The following SGCD variants were observed in gnomAD, a reference collection of about 807,000 sequenced individuals.
SGCD encodes the protein sarcoglycan delta, also known as delta-sarcoglycan.
Under a neutral mutation model 36.6 loss-of-function variants are expected in SGCD, and 18 were observed. That is an observed-to-expected ratio of 0.49 (90% CI 0.34 to 0.73). SGCD has a LOEUF of 0.73. SGCD is among the 30% of genes least tolerant of loss of function. SGCD has a pLI of 0.01. For synonymous variants in SGCD, 133 were observed against 130.6 expected (o/e 1.02, Z -0.12); for missense variants, 387 against 346.7 (o/e 1.12, Z -0.92).
chr5:155,786,717 G>A, the SGCD span, among the ~76,000 whole-genome samples: 30 of 152,258 alleles, frequency 2.0e-4, no homozygotes, highest in South Asian at 6.2e-4. Flanking sequence ...GGTTATGTAT[G>A]TTTTAAGCTT....
At chr5:156,563,693 C>CT (rs879338785) in intron 4 of SGCD, among the ~76,000 whole-genome samples, 1 of 152,060 alleles carries the variant, frequency 6.6e-6, no homozygotes, top group Admixed American at 6.5e-5. Context: ...GCTGTTTCCC[C>CT]TTTGGGGGGA....
intron 1 of SGCD, among the ~76,000 whole-genome samples, chr5:155,963,600 C>G (rs1201094832): frequency 1.3e-5 from 2 of 151,962 alleles, no homozygotes; most frequent in African/African-American, 4.8e-5. Flanking sequence ...TCACAACCAC[C>G]CTATAAAGAA....
chr5:156,038,258 C>T (rs892601708), intron 1 of SGCD, among the ~76,000 whole-genome samples: 1 of 152,002 alleles, frequency 6.6e-6, no homozygotes, highest in Non-Finnish European at 1.5e-5. Context: ...AATACCTCAC[C>T]AGTACTTTTC....
At chr5:156,213,398 C>G (rs577742913) in intron 3 of SGCD, among the ~76,000 whole-genome samples, 1 of 151,936 alleles carries the variant, frequency 6.6e-6, no homozygotes, top group African/African-American at 2.4e-5. Flanking sequence ...AAACATACAA[C>G]CTACCATGAC....
At chr5:156,406,018 T>TAAAAAAAAAAAAAAAAAAAACAAAAAAA (rs10529406) in intron 3 of SGCD, among the ~76,000 whole-genome samples, 1 of 103,984 alleles carries the variant, frequency 9.6e-6, no homozygotes, top group African/African-American at 4.1e-5. Context: ...TATCTTTGCT[T>TAAAAAAAAAAAAAAAAAAAACAAAAAAA]AAAAAAAAAA....
intron 1 of SGCD, among the ~76,000 whole-genome samples, chr5:155,935,469 A>G (rs1321917685): frequency 6.6e-6 from 1 of 152,196 alleles, no homozygotes; most frequent in Non-Finnish European, 1.5e-5. Flanking sequence ...AGATAATATC[A>G]GCCAGCAATA....
intron 3 of SGCD, among the ~76,000 whole-genome samples, chr5:156,183,647 A>C (rs1459800621): frequency 5.9e-5 from 9 of 152,172 alleles, no homozygotes; most frequent in Admixed American, 5.9e-4. Flanking sequence ...GCCTCAAGTG[A>C]TCTGCCCACC....
chr5:156,320,336 A>G (rs1045309208), intron 3 of SGCD, among the ~76,000 whole-genome samples: 6 of 152,224 alleles, frequency 3.9e-5, no homozygotes, highest in African/African-American at 1.4e-4. Context: ...TATTTCTGCC[A>G]GTAACTATGG....
chr5:156,601,808 C>T (rs1009025843), intron 6 of SGCD, among the ~76,000 whole-genome samples: 6 of 152,106 alleles, frequency 3.9e-5, no homozygotes, highest in Admixed American at 6.5e-5. Context: ...CTCAGCCTCC[C>T]GAGTAGCTGG....
the SGCD span, among the ~76,000 whole-genome samples, chr5:155,845,186 G>A: frequency 6.6e-6 from 1 of 152,142 alleles, no homozygotes; most frequent in African/African-American, 2.4e-5. Context: ...TTTTTAAAAT[G>A]GGTTTGCCTA....
At chr5:156,720,444 G>C (rs1292758909) in intron 7 of SGCD, among the ~76,000 whole-genome samples, 1 of 152,216 alleles carries the variant, frequency 6.6e-6, no homozygotes, top group African/African-American at 2.4e-5. Flanking sequence ...CAAAGGTCCT[G>C]AGGATGTATC....
At chr5:156,366,506 A>G (rs996648120) in intron 3 of SGCD, among the ~76,000 whole-genome samples, 2 of 152,208 alleles carry the variant, frequency 1.3e-5, no homozygotes, top group Non-Finnish European at 2.9e-5. Context: ...CTTTGTACTG[A>G]GAAAAAGTAA....
intron 2 of SGCD, among the ~76,000 whole-genome samples, chr5:156,333,165 C>G (rs1480665261): frequency 6.6e-6 from 1 of 152,182 alleles, no homozygotes; most frequent in Non-Finnish European, 1.5e-5. Context: ...GCTAAAGATT[C>G]TTGCCAAACA....
intron 3 of SGCD, among the ~76,000 whole-genome samples, chr5:156,383,505 TAAAAA>T (rs1473099111): frequency 1.3e-5 from 2 of 151,506 alleles, no homozygotes; most frequent in African/African-American, 4.9e-5. Context: ...CTCCATCTCT[TAAAAA>T]AGAAAAAGAA....
intron 3 of SGCD, among the ~76,000 whole-genome samples, chr5:156,432,735 G>A (rs546817589): frequency 5.9e-5 from 9 of 152,126 alleles, no homozygotes; most frequent in Admixed American, 1.3e-4. Context: ...AGTTCACAAG[G>A]GGAGTAGTGA....
At chr5:156,032,654 C>A (rs1189305920) in intron 1 of SGCD, among the ~76,000 whole-genome samples, 1 of 119,996 alleles carries the variant, frequency 8.3e-6, no homozygotes, top group East Asian at 2.8e-4. Context: ...GGAGGTGGAG[C>A]TTGTAGTGAG....
chr5:156,750,417 G>T (rs1392095891), intron 7 of SGCD, among the ~76,000 whole-genome samples: 2 of 152,106 alleles, frequency 1.3e-5, no homozygotes, highest in African/African-American at 4.8e-5. Context: ...CGCGCGCAGT[G>T]GCTCATGCCT....
chr5:155,745,165 A>T, the SGCD span, among the ~76,000 whole-genome samples: 1 of 152,246 alleles, frequency 6.6e-6, no homozygotes, highest in African/African-American at 2.4e-5. Flanking sequence ...ATTTCCACAG[A>T]AAGAAATCTT....
At chr5:156,632,004 T>C (rs1581292571) in intron 6 of SGCD, among the ~76,000 whole-genome samples, 2 of 152,318 alleles carry the variant, frequency 1.3e-5, no homozygotes, top group South Asian at 4.1e-4. Flanking sequence ...TAAAAATTTA[T>C]TTAAAAATGG....
Sources: gnomAD v4.1 joint callset for allele counts (sites outside exome capture counted in the v4.1 genomes callset) on GRCh38, gnomAD v4.1.1 for gene constraint, MANE v1.5 for transcripts, NCBI Gene and HGNC (gene_info 2026-07-23, HGNC 2026-07-21) for gene names.